DNAH11: variants seen among roughly 807,000 people sequenced by gnomAD.
The protein encoded by DNAH11 is axonemal beta dynein heavy chain 11.
DNAH11 carries 442 observed loss-of-function variants against 526.0 expected under a neutral mutation model. That is an observed-to-expected ratio of 0.84 (90% confidence interval 0.78 to 0.91). DNAH11 has a LOEUF of 0.91. Among genes scored for constraint, DNAH11 ranks in the 40% least tolerant of loss-of-function variants. The probability of loss-of-function intolerance (pLI) is 0.00; values close to 1 mark genes in which losing one functional copy is unlikely to be tolerated. For missense variants in DNAH11, 6,989 were observed against 5,448.7 expected, an observed-to-expected ratio of 1.28 and a Z score of -8.90; for synonymous variants, 2,461 against 1,935.9, an observed-to-expected ratio of 1.27 and a Z score of -7.12.
Position 21,717,999 on chromosome 7 carries a change from T to C in DNAH11, c.7134+74T>C, listed in dbSNP as rs984773428. 7.3e-6 allele frequency: 11 copies of C among 1,513,130 alleles called. No homozygotes were observed. In the Admixed American group the frequency reaches 1.9e-4, roughly 26 times the overall value. The allele number at this position is 1,513,130 out of a possible 1,614,324, so 93.7% of individuals were successfully genotyped here. ...GTTTGTTGATCAAGACAACAGAAGATCTTGCCTTGCCCAAGAAAGTGAGAA... is the reference window on the plus strand; with the variant it reads ...GTTTGTTGATCAAGACAACAGAAGACCTTGCCTTGCCCAAGAAAGTGAGAA... On this transcript the variant is annotated intron_variant, in intron 43 of 81. Coordinates refer to ENST00000409508, the MANE Select transcript of DNAH11 (RefSeq NM_001277115.2).
At chr7:21,722,419 T>C (rs1784915691) in intron 44 of DNAH11, among the ~76,000 whole-genome samples, 1 of 152,180 alleles carries the variant, frequency 6.6e-6, no homozygotes, top group African/African-American at 2.4e-5. Context: ...TCTTTCCAGG[T>C]GTAAATGGGG....
chr7:21,698,329 A>G lies in DNAH11; in HGVS notation c.6180+116A>G, dbSNP rs974082047. The stretch of plus-strand genomic sequence containing the variant: ...ACATTAGACATTAAAATTTTTTTGT[A>G]CTTAAAAAAATTCAATAGTTTGGGG... On this transcript the variant is annotated intron_variant, in intron 36 of 81. Coordinates refer to ENST00000409508, the MANE Select transcript of DNAH11 (RefSeq NM_001277115.2). The G allele has an allele frequency of 8.4e-6, 12 of 1,421,272 alleles. No individual in the cohort carries two copies. The African/African-American group carries it at 1.8e-4, about 21-fold the overall frequency. The allele number at this position is 1,421,272 out of a possible 1,614,324, so 88.0% of individuals were successfully genotyped here.
At chr7:21,718,782 A>G (rs551457990) in intron 43 of DNAH11, among the ~76,000 whole-genome samples, 4 of 152,322 alleles carry the variant, frequency 2.6e-5, no homozygotes, top group African/African-American at 7.2e-5. Context: ...TGTTACCATT[A>G]AGTGAGTGTG....
Position 21,543,200 on chromosome 7 carries a change from C to T in DNAH11, c.-46C>T. ...GCTCACTTCGGGGGGCCCAGAGTCT[C>T]GGGTGAGGAGCCAGCCGGCCTCGCG... On this transcript the variant is annotated 5_prime_UTR_variant, in exon 1 of 82. Transcript: ENST00000409508. The T allele has an allele frequency of 1.4e-6, 2 of 1,471,170 alleles. No individual in the cohort carries two copies. The highest frequency in any genetic ancestry group is 1.8e-6 in the Non-Finnish European group (2 of 1,116,976). 91.1% of individuals were successfully genotyped at this position (1,471,170 alleles called of 1,614,324 possible).
At chr7:21,765,359 A>G (rs1014960539) in intron 54 of DNAH11, 69 bp from the exon 55 acceptor site, 2 of 1,603,238 alleles carry the variant, frequency 1.2e-6, no homozygotes, top group Non-Finnish European at 1.7e-6. Flanking sequence ...CTCATTGTCT[A>G]AGATTGCAAT....
rs114642649 is a variant in DNAH11, at chr7:21,830,710, G to T, written c.10692-11834G>T. Among the ~76,000 whole-genome samples the T allele has an allele frequency of 5.8e-3, 880 of 152,158 alleles. 8 individuals carry two copies. Among genetic ancestry groups the T allele is most frequent in the African/African-American group, 0.02 (822 of 41,516 alleles). The stretch of plus-strand genomic sequence containing the variant: ...AAAAAAATCAGTTGAGTGATCTCTA[G>T]TGGCTCTTCTTGATCTAATATTATG... On this transcript the variant is annotated intron_variant, in intron 65 of 81. Coordinates refer to ENST00000409508, the MANE Select transcript of DNAH11 (RefSeq NM_001277115.2).
chr7:21,743,578 A>T (rs1291514225), intron 49 of DNAH11, among the ~76,000 whole-genome samples: 2 of 152,104 alleles, frequency 1.3e-5, no homozygotes. Context: ...TTTCAGTATC[A>T]CTCCACAACT....
At chr7:21,751,879 C>A (rs1346584021) in intron 54 of DNAH11, among the ~76,000 whole-genome samples, 3 of 152,132 alleles carry the variant, frequency 2.0e-5, no homozygotes, top group Non-Finnish European at 4.4e-5. Context: ...TCTTCCTGTT[C>A]CATGGTGATA....
At position 21,581,889 on chromosome 7, in the gene DNAH11, A is replaced by T. The variant is rs1201977966; in HGVS notation, c.1594-16A>T. On this transcript the variant is annotated splice_polypyrimidine_tract_variant and intron_variant, in intron 8 of 81. Transcript: ENST00000409508. ...ATTATTTCCAATATACTAATATTTC[A>T]CTTTGAATTTTACAGGAGTTTGAAA... The T allele has an allele frequency of 1.8e-5, 27 of 1,512,296 alleles. No individual in the cohort carries two copies. The highest frequency in any genetic ancestry group is 2.2e-5 in the Non-Finnish European group (24 of 1,091,204). 93.7% of individuals were successfully genotyped at this position (1,512,296 alleles called of 1,614,324 possible). A position where few individuals can be genotyped will look rare whatever the true frequency, so the allele number is the denominator to read the frequency against.
chr7:21,673,445 C>T (rs147654271), intron 30 of DNAH11, among the ~76,000 whole-genome samples: 4 of 152,210 alleles, frequency 2.6e-5, no homozygotes, highest in Middle Eastern at 3.4e-3. Flanking sequence ...TATTATCTGC[C>T]GACATCATCA....
At position 21,600,124 on chromosome 7, in the gene DNAH11, T is replaced by G. The variant is rs1785020135; in HGVS notation, c.3000+5T>G. 6.5e-7 allele frequency: 1 copy of G among 1,540,964 alleles called. No homozygotes were observed. Among genetic ancestry groups the G allele is most frequent in the African/African-American group, 1.4e-5 (1 of 72,194 alleles). ...CTGGAAATTAAAAATTATCAGGTAT[T>G]TTCTTAGTAAATGGGTATTTAGCTT... On this transcript the variant is annotated splice_donor_5th_base_variant and intron_variant, in intron 15 of 81. Coordinates refer to ENST00000409508, the MANE Select transcript of DNAH11 (RefSeq NM_001277115.2).
rs1403790622 is a variant in DNAH11, at chr7:21,704,420, G to C, written c.6274-14G>C. 6.3e-7 allele frequency: 1 copy of C among 1,583,144 alleles called. No homozygotes were observed. The highest frequency in any genetic ancestry group is 1.3e-5 in the African/African-American group (1 of 74,240). ...CCTTGTATTGGCTTTTTTATAAAAT[G>C]TTTTTTTTTCTAGGTACTCATGAGA... On this transcript the variant is annotated splice_polypyrimidine_tract_variant and intron_variant, in intron 37 of 81. Transcript: ENST00000409508.
At chr7:21,765,005 T>C (rs1787110739) in intron 54 of DNAH11, among the ~76,000 whole-genome samples, 1 of 152,222 alleles carries the variant, frequency 6.6e-6, no homozygotes, top group African/African-American at 2.4e-5. Flanking sequence ...GTTTTTAAAG[T>C]GTATTATGCA....
chr7:21,735,285 T>C (rs2072214), intron 45 of DNAH11, among the ~76,000 whole-genome samples: 17,720 of 152,236 alleles, frequency 0.12, 1,800 homozygotes, highest in African/African-American at 0.25. Flanking sequence ...CTTATATGGT[T>C]ACTATATTCC....
intron 29 of DNAH11, among the ~76,000 whole-genome samples, chr7:21,656,391 T>A (rs1310655182): frequency 6.6e-6 from 1 of 152,174 alleles, no homozygotes; most frequent in African/African-American, 2.4e-5. Context: ...TAAAGAGGCT[T>A]TGTGGTTCAG....
chr7:21,705,868 T>A (rs1181678085), intron 39 of DNAH11, among the ~76,000 whole-genome samples: 1 of 152,200 alleles, frequency 6.6e-6, no homozygotes, highest in Non-Finnish European at 1.5e-5. Flanking sequence ...CACCTTTCAA[T>A]ACATTTATGC....
At chr7:21,699,237 G>T (rs935292273) in intron 36 of DNAH11, among the ~76,000 whole-genome samples, 6 of 151,974 alleles carry the variant, frequency 3.9e-5, no homozygotes, top group African/African-American at 1.4e-4. Flanking sequence ...CTGGTTTTTT[G>T]TTCTTTTAAA....
chr7:21,738,501 A>C (rs1785716314), intron 46 of DNAH11, among the ~76,000 whole-genome samples, 200 bp from the exon 47 acceptor site: 1 of 152,178 alleles, frequency 6.6e-6, no homozygotes, highest in African/African-American at 2.4e-5. Flanking sequence ...ACTTCTGGCA[A>C]CAGGAGGGAG....
In DNAH11 at chr7:21,606,511, C is replaced by G. The variant is rs1477380706; in HGVS notation, c.3734C>G (p.Thr1245Ser). The part of the protein sequence containing the change: ...EVSPLHNAEV[T>S]LIRKKCILFD... ...TCACCTCTCCATAATGCGGAAGTCACTCTTATAAGGAAAAAATGTATTTTG... is the reference window on the plus strand; with the variant it reads ...TCACCTCTCCATAATGCGGAAGTCAGTCTTATAAGGAAAAAATGTATTTTG... The change falls in exon 19 of 82, where the codon ACT becomes AGT. Residue 1245 changes from threonine (T) to serine (S), a missense_variant. By Grantham distance (58) the Thr-to-Ser change is moderately conservative. Transcript: ENST00000409508. The G allele has an allele frequency of 1.9e-6, 3 of 1,610,708 alleles. No individual in the cohort carries two copies. The highest frequency in any genetic ancestry group is 1.7e-5 in the Admixed American group (1 of 59,670).
Sources: gnomAD v4.1 joint callset for allele counts (sites outside exome capture counted in the v4.1 genomes callset) on GRCh38, gnomAD v4.1.1 for gene constraint, MANE v1.5 for transcripts, NCBI Gene and HGNC (gene_info 2026-07-23, HGNC 2026-07-21) for gene names.